Variants in NRXN3 observed in about 807,000 individuals in gnomAD.
NRXN3 encodes neurexin 3.
In NRXN3, 32 loss-of-function variants were observed where a neutral mutation model predicts 137.6. That is an observed-to-expected ratio of 0.23 (90% confidence interval 0.18 to 0.31). NRXN3 has a LOEUF of 0.31. Among genes scored for constraint, NRXN3 ranks in the 10% least tolerant of loss-of-function variants. The pLI is 1.00. For synonymous variants in NRXN3, 798 were observed against 784.5 expected, an observed-to-expected ratio of 1.02 and a Z score of -0.29; for missense variants, 1,574 against 2,062.5, an observed-to-expected ratio of 0.76 and a Z score of 4.59.
chr14:79,292,143 G>A (rs1201922700), intron 15 of NRXN3, among the ~76,000 whole-genome samples: 2 of 152,138 alleles, frequency 1.3e-5, no homozygotes, highest in African/African-American at 4.8e-5. Flanking sequence ...ACAGTTCCCG[G>A]ATACTGAAAG....
chr14:78,584,378 T>C (rs917013888), intron 4 of NRXN3, among the ~76,000 whole-genome samples: 2 of 152,224 alleles, frequency 1.3e-5, no homozygotes, highest in African/African-American at 4.8e-5. Flanking sequence ...AAAAAGGCTA[T>C]GGTCCCAAAG....
chr14:79,000,795 C>T (rs1369578063), intron 15 of NRXN3, among the ~76,000 whole-genome samples: 1 of 152,126 alleles, frequency 6.6e-6, no homozygotes, highest in African/African-American at 2.4e-5. Flanking sequence ...ATGAAAATTC[C>T]TGAGAACAGA....
Position 79,754,521 on chromosome 14 carries a change from T to C in NRXN3, c.4015-50591T>C, listed in dbSNP as rs1384768236. ...CTCTCTTGATATATATATATATATA[T>C]ATATATATATATATATATATATATA... On this transcript the variant is annotated intron_variant, in intron 19 of 20. Transcript: ENST00000335750. Among the ~76,000 whole-genome samples the C allele has an allele frequency of 7.9e-4, 22 of 27,710 alleles. 1 individual carries two copies. Among genetic ancestry groups the C allele is most frequent in the African/African-American group, 5.4e-3 (22 of 4,086 alleles). The allele number at this position is 27,710 out of a possible 152,430, so 18.2% of individuals were successfully genotyped here.
chr14:78,988,506 T>A (rs1181887018), intron 15 of NRXN3, among the ~76,000 whole-genome samples: 2 of 152,212 alleles, frequency 1.3e-5, no homozygotes, highest in Non-Finnish European at 2.9e-5. Context: ...AATTGGTTAA[T>A]AATTTTGAGA....
chr14:79,571,279 G>A (rs1199686291), intron 16 of NRXN3, among the ~76,000 whole-genome samples: 1 of 152,030 alleles, frequency 6.6e-6, no homozygotes, highest in Non-Finnish European at 1.5e-5. Flanking sequence ...TACAATCCAA[G>A]AAAATGAACA....
chr14:79,424,844 T>C (rs2153539494), intron 15 of NRXN3, among the ~76,000 whole-genome samples: 1 of 152,298 alleles, frequency 6.6e-6, no homozygotes, highest in East Asian at 1.9e-4. Context: ...GAATGAAATA[T>C]AGGCAATTGA....
chr14:78,682,717 G>A (rs1458786676), intron 6 of NRXN3, among the ~76,000 whole-genome samples: 1 of 148,422 alleles, frequency 6.7e-6, no homozygotes, highest in Non-Finnish European at 1.5e-5. Context: ...TTTGGGTGGG[G>A]AATTGGGGTG....
intron 10 of NRXN3, among the ~76,000 whole-genome samples, chr14:78,848,591 G>T (rs1567503152): frequency 6.6e-6 from 1 of 152,258 alleles, no homozygotes; most frequent in East Asian, 1.9e-4. Flanking sequence ...GCTACTCCAA[G>T]CATGTTCAGA....
intron 15 of NRXN3, among the ~76,000 whole-genome samples, chr14:79,428,551 T>C (rs942342452): frequency 2.6e-5 from 4 of 152,122 alleles, no homozygotes; most frequent in Non-Finnish European, 5.9e-5. Context: ...CAAAGGTATA[T>C]TCATACTGCA....
intron 2 of NRXN3, among the ~76,000 whole-genome samples, chr14:78,262,765 A>T (rs1203101251): frequency 1.3e-5 from 2 of 152,210 alleles, no homozygotes; most frequent in Admixed American, 1.3e-4. Flanking sequence ...TTCTCAACTT[A>T]GAGGAGTAGT....
At chr14:79,093,786 G>A (rs940125639) in intron 15 of NRXN3, among the ~76,000 whole-genome samples, 3 of 132,070 alleles carry the variant, frequency 2.3e-5, no homozygotes, top group Non-Finnish European at 4.9e-5. Context: ...TGTGCCTGAG[G>A]CTGGAGCTTG....
At chr14:78,820,127 T>A (rs1357745973) in intron 10 of NRXN3, among the ~76,000 whole-genome samples, 1 of 151,972 alleles carries the variant, frequency 6.6e-6, no homozygotes, top group Non-Finnish European at 1.5e-5. Flanking sequence ...TAAGCTAATA[T>A]TATTAACCTA....
chr14:79,090,795 A>G (rs1420193218), intron 15 of NRXN3, among the ~76,000 whole-genome samples: 11 of 152,196 alleles, frequency 7.2e-5, no homozygotes, highest in Non-Finnish European at 8.8e-5. Flanking sequence ...AATTAAGTCC[A>G]TAGCACTGCC....
At chr14:78,468,870 G>A (rs185758099) in intron 4 of NRXN3, among the ~76,000 whole-genome samples, 1 of 152,278 alleles carries the variant, frequency 6.6e-6, no homozygotes, top group East Asian at 1.9e-4. Context: ...TGGTGTGGGA[G>A]TGAGGGAGAG....
intron 12 of NRXN3, among the ~76,000 whole-genome samples, chr14:78,966,674 G>T (rs533403942): frequency 2.6e-5 from 4 of 152,236 alleles, no homozygotes; most frequent in African/African-American, 7.2e-5. Flanking sequence ...TTGAAGAAAA[G>T]CTTATTTTTG....
intron 16 of NRXN3, among the ~76,000 whole-genome samples, chr14:79,552,540 A>G (rs1300710112): frequency 2.6e-5 from 4 of 152,134 alleles, no homozygotes; most frequent in Admixed American, 6.6e-5. Context: ...TAACATGCAG[A>G]TGTGCACAGG....
At chr14:79,776,949 T>C (rs969889923) in intron 19 of NRXN3, among the ~76,000 whole-genome samples, 2 of 152,322 alleles carry the variant, frequency 1.3e-5, no homozygotes, top group Non-Finnish European at 2.9e-5. Context: ...GTGGGGCTGA[T>C]AGGCAGGCAA....
intron 15 of NRXN3, among the ~76,000 whole-genome samples, chr14:79,413,271 T>C (rs2095445633): frequency 6.6e-6 from 1 of 152,162 alleles, no homozygotes; most frequent in Admixed American, 6.6e-5. Context: ...AGAAGTTATT[T>C]TCATTGTTGT....
chr14:79,773,252 A>G (rs904727737), intron 19 of NRXN3, among the ~76,000 whole-genome samples: 9 of 152,232 alleles, frequency 5.9e-5, no homozygotes, highest in African/African-American at 2.2e-4. Context: ...TAGAAATACC[A>G]TTTGACCCAG....
Sources: allele counts gnomAD v4.1 joint callset (sites outside exome capture counted in the v4.1 genomes callset), GRCh38; gene constraint gnomAD v4.1.1; transcripts MANE v1.5; gene names NCBI Gene and HGNC (gene_info 2026-07-23, HGNC 2026-07-21).